The following XPR1 variants were observed in gnomAD, a reference collection of about 807,000 sequenced individuals.
The protein encoded by XPR1 is solute carrier family 53 member 1.
XPR1 carries 28 observed loss-of-function variants against 87.5 expected under a neutral mutation model. The observed-to-expected ratio is 0.32, with a 90% confidence interval of 0.24 to 0.44. The LOEUF (loss-of-function observed/expected upper bound fraction) is 0.44. XPR1 is among the 20% of genes least tolerant of loss of function. The pLI, the probability that XPR1 is intolerant of heterozygous loss-of-function variation, is 1.00. For missense variants in XPR1, 559 were observed against 862.3 expected (o/e 0.65, Z 4.41); for synonymous variants, 300 against 306.1 (o/e 0.98, Z 0.21).
At chr1:180,636,738 G>A (rs1279361084) in intron 1 of XPR1, among the ~76,000 whole-genome samples, 3 of 152,136 alleles carry the variant, frequency 2.0e-5, no homozygotes, top group African/African-American at 7.2e-5. Flanking sequence ...CTCCCATGGA[G>A]TAAAGAGAAG....
chr1:180,712,603 C>T, intron 2 of XPR1, among the ~76,000 whole-genome samples: 1 of 152,080 alleles, frequency 6.6e-6, no homozygotes, highest in South Asian at 2.1e-4. Context: ...GTGAGGAGTT[C>T]AAGACCAGTC....
intron 1 of XPR1, among the ~76,000 whole-genome samples, chr1:180,641,680 A>C (rs1039274722): frequency 1.1e-4 from 17 of 152,132 alleles, no homozygotes; most frequent in African/African-American, 4.1e-4. Flanking sequence ...AGTTCTTTTC[A>C]ATTTTCTAGT....
intron 2 of XPR1, among the ~76,000 whole-genome samples, chr1:180,779,064 G>A (rs1257951248): frequency 2.6e-5 from 4 of 152,116 alleles, no homozygotes; most frequent in Admixed American, 6.5e-5. Context: ...CTAACATGCT[G>A]TTCCCTCTGT....
At chr1:180,710,203 GTT>G (rs60565276) in intron 2 of XPR1, among the ~76,000 whole-genome samples, 3 of 138,746 alleles carry the variant, frequency 2.2e-5, no homozygotes, top group Non-Finnish European at 3.2e-5. Context: ...GTTTAATTTA[GTT>G]TTTTTTTTTT....
chr1:180,862,842 C>G (rs1652265721), intron 11 of XPR1, among the ~76,000 whole-genome samples: 1 of 151,876 alleles, frequency 6.6e-6, no homozygotes, highest in African/African-American at 2.4e-5. Context: ...GCCTTTTTTT[C>G]CTGGTGATGC....
At chr1:180,831,366 T>TTCTTC (rs1315699639) in intron 9 of XPR1, among the ~76,000 whole-genome samples, 1 of 132,628 alleles carries the variant, frequency 7.5e-6, no homozygotes, top group Non-Finnish European at 1.6e-5. Flanking sequence ...CTTTTTCTTT[T>TTCTTC]TTTTTTTTTT....
intron 7 of XPR1, among the ~76,000 whole-genome samples, chr1:180,823,366 C>T (rs559878021): frequency 1.7e-3 from 251 of 151,956 alleles, no homozygotes; most frequent in Admixed American, 3.2e-3. Flanking sequence ...GGGCTTAAAA[C>T]GAAATATGTT....
At chr1:180,827,732 T>G (rs1558028216) in intron 9 of XPR1, among the ~76,000 whole-genome samples, 1 of 152,210 alleles carries the variant, frequency 6.6e-6, no homozygotes, top group Non-Finnish European at 1.5e-5. Context: ...CTGACTTATT[T>G]TAATTTAAAT....
rs1044172612 is a variant in XPR1, at chr1:180,810,879, G to A, written c.682-528G>A. On this transcript the variant is annotated intron_variant, in intron 6 of 14. Coordinates refer to ENST00000367590, the MANE Select transcript of XPR1 (RefSeq NM_004736.4). Reference sequence around the variant, plus strand: ...AGTATCTGTTGGAGATTGGTTCCAGGATCCTGTGGATAGCAAAATCCGTGG... The same window carrying A: ...AGTATCTGTTGGAGATTGGTTCCAGAATCCTGTGGATAGCAAAATCCGTGG... Among the ~76,000 whole-genome samples, 3 of 151,764 alleles carry A rather than the reference G, an allele frequency of 2.0e-5. No individual in the cohort carries two copies. In the South Asian group the frequency reaches 6.2e-4, roughly 32 times the overall value.
At chr1:180,779,690 A>G (rs927353491) in intron 2 of XPR1, among the ~76,000 whole-genome samples, 87 of 152,078 alleles carry the variant, frequency 5.7e-4, no homozygotes, top group African/African-American at 2.0e-3. Flanking sequence ...GGCAGAAAGG[A>G]AAGAAAAGAG....
At chr1:180,775,365 C>T (rs1333909538) in intron 2 of XPR1, among the ~76,000 whole-genome samples, 1 of 151,858 alleles carries the variant, frequency 6.6e-6, no homozygotes, top group Non-Finnish European at 1.5e-5. Context: ...AGGGGGATCC[C>T]TTGAGCCCAG....
At chr1:180,818,590 T>C (rs936824761) in intron 7 of XPR1, among the ~76,000 whole-genome samples, 8 of 152,216 alleles carry the variant, frequency 5.3e-5, no homozygotes. Context: ...TTAATGATTG[T>C]TAGCTGATTT....
chr1:180,751,657 A>C (rs1356453489), intron 2 of XPR1, among the ~76,000 whole-genome samples: 3 of 152,132 alleles, frequency 2.0e-5, no homozygotes, highest in East Asian at 1.9e-4. Flanking sequence ...ATAGCATTTA[A>C]AATTTTTGTT....
At chr1:180,717,945 T>C (rs1658053792) in intron 2 of XPR1, among the ~76,000 whole-genome samples, 1 of 152,148 alleles carries the variant, frequency 6.6e-6, no homozygotes, top group South Asian at 2.1e-4. Context: ...TTACATTTAA[T>C]AGAATTGAAT....
chr1:180,778,789 C>G (rs1420876456), intron 2 of XPR1, among the ~76,000 whole-genome samples: 1 of 152,200 alleles, frequency 6.6e-6, no homozygotes, highest in African/African-American at 2.4e-5. Context: ...ATTTCTCCTC[C>G]TCCTTCATTT....
chr1:180,729,096 G>GT (rs1254481876), intron 2 of XPR1, among the ~76,000 whole-genome samples: 1 of 152,102 alleles, frequency 6.6e-6, no homozygotes. Context: ...GAGGTATTTG[G>GT]TTTTTTGTTC....
At chr1:180,705,519 A>G (rs1657527327) in intron 2 of XPR1, among the ~76,000 whole-genome samples, 1 of 152,218 alleles carries the variant, frequency 6.6e-6, no homozygotes, top group South Asian at 2.1e-4. Flanking sequence ...GCAGTTCCAA[A>G]ATATGTTCTT....
At chr1:180,632,459 C>G (rs1654619567) in intron 1 of XPR1, among the ~76,000 whole-genome samples, 189 bp downstream of exon 1, 1 of 152,062 alleles carries the variant, frequency 6.6e-6, no homozygotes, top group South Asian at 2.1e-4. Context: ...CTTCCCCTCC[C>G]CCGCAGCCCC....
intron 2 of XPR1, among the ~76,000 whole-genome samples, chr1:180,719,178 A>G (rs1311542043): frequency 6.6e-6 from 1 of 152,272 alleles, no homozygotes; most frequent in Non-Finnish European, 1.5e-5. Flanking sequence ...ATGTACAGAC[A>G]TAGATTTATT....
Sources: gnomAD v4.1 joint callset for allele counts (sites outside exome capture counted in the v4.1 genomes callset) on GRCh38, gnomAD v4.1.1 for gene constraint, MANE v1.5 for transcripts, NCBI Gene and HGNC (gene_info 2026-07-23, HGNC 2026-07-21) for gene names.